RBFOX3: variants seen among roughly 807,000 people sequenced by gnomAD.
RBFOX3 encodes the protein RNA binding fox-1 homolog 3, also known as RNA binding protein fox-1 homolog 3.
Under a neutral mutation model 48.7 loss-of-function variants are expected in RBFOX3, and 17 were observed. That is an observed-to-expected ratio of 0.35 (90% CI 0.24 to 0.52). The LOEUF is 0.52. Among genes scored for constraint, RBFOX3 ranks in the 20% least tolerant of loss-of-function variants. The pLI is 0.94. For missense variants in RBFOX3, 382 were observed against 497.5 expected, an observed-to-expected ratio of 0.77 and a Z score of 2.21; for synonymous variants, 212 against 209.5, an observed-to-expected ratio of 1.01 and a Z score of -0.10.
At chr17:79,273,536 T>G (rs2068117368) in intron 3 of RBFOX3, among the ~76,000 whole-genome samples, 1 of 137,388 alleles carries the variant, frequency 7.3e-6, no homozygotes, top group Non-Finnish European at 1.5e-5. Context: ...AAGCCAGGCT[T>G]AGCTTGGCAG....
rs895146866 is a variant in RBFOX3, at chr17:79,137,632, C to T, written c.-33-21884G>A. Among the ~76,000 whole-genome samples the T allele has an allele frequency of 5.3e-5, 8 of 151,928 alleles. No homozygotes were observed. In the South Asian group the frequency reaches 6.3e-4, roughly 12 times the overall value. On this transcript the variant is annotated intron_variant, in intron 4 of 14. Coordinates refer to ENST00000693108, the MANE Select transcript of RBFOX3 (RefSeq NM_001350451.2). The stretch of plus-strand genomic sequence containing the variant: ...CCTTTCCTCCCAGCCAAGCTGCTGG[C>T]GCCTGGCCTGGCCCGGGCACGCGGG...
intron 1 of RBFOX3, among the ~76,000 whole-genome samples, chr17:79,533,127 A>G (rs1356079163): frequency 6.6e-6 from 1 of 152,218 alleles, no homozygotes; most frequent in Non-Finnish European, 1.5e-5. Flanking sequence ...GATGAAGGAG[A>G]CTAAGCTTGG....
chr17:79,515,431 T>TG (rs1401631152), intron 1 of RBFOX3, among the ~76,000 whole-genome samples: 1 of 152,178 alleles, frequency 6.6e-6, no homozygotes, highest in African/African-American at 2.4e-5. Context: ...TCCCATCTCC[T>TG]GTGTTACACT....
intron 4 of RBFOX3, among the ~76,000 whole-genome samples, chr17:79,175,422 T>C (rs2145883408): frequency 6.6e-6 from 1 of 152,350 alleles, no homozygotes; most frequent in African/African-American, 2.4e-5. Flanking sequence ...GACACGGACC[T>C]ATGACCACTC....
chr17:79,564,949 G>A (rs1038578997), intron 1 of RBFOX3, among the ~76,000 whole-genome samples: 18 of 150,586 alleles, frequency 1.2e-4, no homozygotes, highest in Non-Finnish European at 2.4e-4. Flanking sequence ...GCTGAGGCAG[G>A]AGAATTGCTT....
chr17:79,655,679 A>G, the RBFOX3 span, among the ~76,000 whole-genome samples: 65 of 152,298 alleles, frequency 4.3e-4, no homozygotes, highest in South Asian at 7.5e-3. Context: ...AGACTCACTG[A>G]GACTCTTATG....
At chr17:79,213,816 C>T (rs576678575) in intron 4 of RBFOX3, among the ~76,000 whole-genome samples, 1 of 152,200 alleles carries the variant, frequency 6.6e-6, no homozygotes, top group Admixed American at 6.5e-5. Context: ...CAAAGGGCTG[C>T]GAACGTCACA....
At position 79,242,228 on chromosome 17, in the gene RBFOX3, C is replaced by T. The variant is rs1483398919; in HGVS notation, c.-73-6423G>A. On this transcript the variant is annotated intron_variant, in intron 3 of 14. Coordinates refer to ENST00000693108, the MANE Select transcript of RBFOX3 (RefSeq NM_001350451.2). The surrounding 1 kb of genome is among the most constrained non-coding windows in gnomAD (Gnocchi z 5.8). ...TGGAGGGGGTGCTACCTGAGGAGCC[C>T]CGGGGTGGGGGGCAGGCCGTATGGA... Among the ~76,000 whole-genome samples the T allele has an allele frequency of 2.0e-5, 3 of 151,918 alleles. No individual in the cohort carries two copies. The highest frequency in any genetic ancestry group is 2.9e-5 in the Non-Finnish European group (2 of 67,964).
At chr17:79,665,050 C>T in the RBFOX3 span, among the ~76,000 whole-genome samples, 1 of 152,116 alleles carries the variant, frequency 6.6e-6, no homozygotes, top group African/African-American at 2.4e-5. Flanking sequence ...GCTGGGAAAT[C>T]CTGACACTCC....
chr17:79,206,237 T>C (rs1001328662), intron 4 of RBFOX3, among the ~76,000 whole-genome samples: 1 of 152,022 alleles, frequency 6.6e-6, no homozygotes, highest in African/African-American at 2.4e-5. Context: ...CAGAACTTGG[T>C]GGCCTCTTTG....
chr17:79,394,385 G>A (rs1252857680), intron 2 of RBFOX3, among the ~76,000 whole-genome samples: 1 of 152,184 alleles, frequency 6.6e-6, no homozygotes, highest in African/African-American at 2.4e-5. Flanking sequence ...CACCACTGGG[G>A]CAGGGGTCTC....
At chr17:79,116,397 C>T (rs544140017) in intron 4 of RBFOX3, among the ~76,000 whole-genome samples, 1 of 150,888 alleles carries the variant, frequency 6.6e-6, no homozygotes, top group Non-Finnish European at 1.5e-5. Flanking sequence ...TGCCTATAAT[C>T]CCAGCTACTC....
At chr17:79,448,050 T>C (rs1555739328) in intron 2 of RBFOX3, among the ~76,000 whole-genome samples, 1 of 152,176 alleles carries the variant, frequency 6.6e-6, no homozygotes, top group Non-Finnish European at 1.5e-5. Context: ...TCCGCCATGA[T>C]TGGAAGTTTC....
At chr17:79,497,031 C>T (rs1003944666) in intron 1 of RBFOX3, among the ~76,000 whole-genome samples, 14 of 152,172 alleles carry the variant, frequency 9.2e-5, no homozygotes, top group African/African-American at 3.4e-4. Flanking sequence ...CTCAAAGAAG[C>T]GGGGCTGTCA....
intron 2 of RBFOX3, among the ~76,000 whole-genome samples, chr17:79,310,512 C>G (rs1015767074): frequency 6.6e-6 from 1 of 151,966 alleles, no homozygotes; most frequent in South Asian, 2.1e-4. Flanking sequence ...CCTCTCTTTT[C>G]TCTCCTACCT....
intron 3 of RBFOX3, among the ~76,000 whole-genome samples, chr17:79,276,619 A>C (rs536189431): frequency 8.5e-5 from 13 of 152,260 alleles, no homozygotes; most frequent in Non-Finnish European, 1.3e-4. Flanking sequence ...CAGGAGTGAG[A>C]GGTTGCAGTG....
At chr17:79,388,184 A>C (rs2060845265) in intron 2 of RBFOX3, among the ~76,000 whole-genome samples, 1 of 152,212 alleles carries the variant, frequency 6.6e-6, no homozygotes, top group African/African-American at 2.4e-5. Flanking sequence ...CTCTGACCAC[A>C]CAGACTGGGC....
intron 6 of RBFOX3, among the ~76,000 whole-genome samples, chr17:79,105,316 G>C (rs530968458): frequency 6.6e-6 from 1 of 152,290 alleles, no homozygotes; most frequent in African/African-American, 2.4e-5. Context: ...GATGGCGGAT[G>C]GTGCCCCTGT....
In RBFOX3 at chr17:79,311,568, C is replaced by T. The variant is rs1286346519; in HGVS notation, c.-174-3744G>A. Among the ~76,000 whole-genome samples the T allele has an allele frequency of 2.0e-5, 3 of 152,068 alleles. No individual in the cohort carries two copies. The highest frequency in any genetic ancestry group is 7.2e-5 in the African/African-American group (3 of 41,390). On this transcript the variant is annotated intron_variant, in intron 2 of 14. Transcript: ENST00000693108. This position sits in a 1 kb window ranked among gnomAD's most constrained non-coding sequence, Gnocchi z 4.2. ...CCTAATTCCTTAAAATCTGTCTGTCCTATCTGTCAATCAATCAATAATCAA... is the reference window on the plus strand; with the variant it reads ...CCTAATTCCTTAAAATCTGTCTGTCTTATCTGTCAATCAATCAATAATCAA...
Sources: gnomAD v4.1 joint callset for allele counts (sites outside exome capture counted in the v4.1 genomes callset) on GRCh38, gnomAD v4.1.1 for gene constraint, Gnocchi (gnomAD v3.1) non-coding constraint, MANE v1.5 for transcripts, NCBI Gene and HGNC (gene_info 2026-07-23, HGNC 2026-07-21) for gene names.